The following NAALADL2 variants were observed in gnomAD, a reference collection of about 807,000 sequenced individuals.
The protein encoded by NAALADL2 is inactive N-acetylated-alpha-linked acidic dipeptidase-like protein 2.
In NAALADL2, 76 loss-of-function variants were observed where a neutral mutation model predicts 87.2. The ratio of observed to expected loss-of-function variants is 0.87; its 90% CI spans 0.72 to 1.05. The LOEUF is 1.05. Among genes scored for constraint, NAALADL2 ranks in the 50% least tolerant of loss-of-function variants. The pLI, the probability that NAALADL2 is intolerant of heterozygous loss-of-function variation, is 0.00. For synonymous variants in NAALADL2, 354 were observed against 331.0 expected (o/e 1.07, Z -0.75); for missense variants, 1,089 against 945.8 (o/e 1.15, Z -1.99).
intron 9 of NAALADL2, among the ~76,000 whole-genome samples, chr3:175,572,912 A>T: frequency 6.6e-6 from 1 of 152,084 alleles, no homozygotes; most frequent in East Asian, 1.9e-4. Flanking sequence ...AAAAAAAAAA[A>T]AATTGCAAGG....
At chr3:175,202,612 G>A (rs1740211775) in intron 2 of NAALADL2, among the ~76,000 whole-genome samples, 2 of 152,168 alleles carry the variant, frequency 1.3e-5, no homozygotes, top group African/African-American at 4.8e-5. Flanking sequence ...CCTGGAGGTG[G>A]TGCTTTCCAG....
intron 3 of NAALADL2, among the ~76,000 whole-genome samples, chr3:174,778,722 T>C (rs768682019): frequency 6.6e-6 from 1 of 152,120 alleles, no homozygotes; most frequent in Non-Finnish European, 1.5e-5. Flanking sequence ...AGTGAGAATA[T>C]GTAGTGTCTG....
intron 9 of NAALADL2, among the ~76,000 whole-genome samples, chr3:175,575,622 G>C (rs1039442837): frequency 1.3e-5 from 2 of 152,066 alleles, no homozygotes; most frequent in African/African-American, 2.4e-5. Flanking sequence ...AAGAAGAACA[G>C]AATTATACCC....
At chr3:174,489,825 G>C (rs946498010) in intron 1 of NAALADL2, among the ~76,000 whole-genome samples, 1 of 152,018 alleles carries the variant, frequency 6.6e-6, no homozygotes, top group African/African-American at 2.4e-5. Flanking sequence ...TGAAGTTGTA[G>C]AGAAATGGGA....
chr3:175,533,355 G>T (rs945270213), intron 9 of NAALADL2, among the ~76,000 whole-genome samples: 1 of 152,214 alleles, frequency 6.6e-6, no homozygotes, highest in African/African-American at 2.4e-5. Flanking sequence ...TCTAGTTATA[G>T]GTCTAGAAGC....
At chr3:175,300,072 T>C (rs111595141) in intron 4 of NAALADL2, among the ~76,000 whole-genome samples, 26,671 of 152,124 alleles carry the variant, frequency 0.18, 2,988 homozygotes, top group African/African-American at 0.32. Flanking sequence ...TGATTCTGTT[T>C]ATGTGATGGA....
At chr3:174,922,522 C>T (rs749655370) in intron 1 of NAALADL2, among the ~76,000 whole-genome samples, 40 of 152,074 alleles carry the variant, frequency 2.6e-4, no homozygotes, top group Admixed American at 8.5e-4. Flanking sequence ...AACCACAGCT[C>T]TAATTTGAAT....
rs370707870 is a variant in NAALADL2, at chr3:175,003,873, G to C, written c.44-92917G>C. Among the ~76,000 whole-genome samples the C allele has an allele frequency of 5.9e-5, 9 of 152,298 alleles. 1 individual carries two copies. The highest frequency in any genetic ancestry group is 2.2e-4 in the African/African-American group (9 of 41,574). On this transcript the variant is annotated intron_variant, in intron 1 of 13. Transcript: ENST00000454872. ...ACTAGAGCAGTGTGCATTCACAACA[G>C]AACAAGCCATCTGTCAGCTTATAAA...
In NAALADL2 at chr3:175,576,022, T is replaced by C. The variant is rs778870498; in HGVS notation, c.1654-19T>C. ...TGGGAAGCATAGTATGTGTTAACAA[T>C]TTAAATTATGTTTTTCAGAAAAATA... On this transcript the variant is annotated intron_variant, in intron 9 of 13. Coordinates refer to ENST00000454872, the MANE Select transcript of NAALADL2 (RefSeq NM_207015.3). The C allele has an allele frequency of 1.2e-4, 187 of 1,604,884 alleles. 1 individual carries two copies. The highest frequency in any genetic ancestry group is 1.1e-3 in the Admixed American group (66 of 58,562).
chr3:174,527,915 T>G (rs1489020752), intron 1 of NAALADL2, among the ~76,000 whole-genome samples: 1 of 152,092 alleles, frequency 6.6e-6, no homozygotes, highest in Non-Finnish European at 1.5e-5. Context: ...GGCTGGCAAA[T>G]TATGGTCCCC....
Position 175,778,967 on chromosome 3 carries a change from C to A in NAALADL2, c.2189+23549C>A, listed in dbSNP as rs188370733. On this transcript the variant is annotated intron_variant, in intron 13 of 13. Transcript: ENST00000454872. ...GTACCTGAGAGCCATCACACACACA[C>A]AAAAAAATGAAGACTCAAAGAAATG... Among the ~76,000 whole-genome samples, 1,292 of 151,928 alleles carry A rather than the reference C, an allele frequency of 8.5e-3. 7 individuals carry two copies. Among genetic ancestry groups the A allele is most frequent in the Non-Finnish European group, 0.01 (686 of 67,936 alleles).
intron 2 of NAALADL2, among the ~76,000 whole-genome samples, chr3:175,199,850 ATATATATATATATATTTTTTTTTTTT>A (rs1484733777): frequency 7.9e-4 from 14 of 17,786 alleles, no homozygotes; most frequent in Non-Finnish European, 1.2e-3. Context: ...ATATATATAT[ATATATATATATATATTTTTTTTTTTT>A]TTTTTTTTTT....
intron 12 of NAALADL2, among the ~76,000 whole-genome samples, chr3:175,746,517 A>G (rs9825021): frequency 0.031 from 4,673 of 152,204 alleles, 177 homozygotes; most frequent in African/African-American, 0.094. Flanking sequence ...CCAGTAGATA[A>G]TGAAGTACAC....
intron 13 of NAALADL2, among the ~76,000 whole-genome samples, chr3:175,785,301 G>C (rs1250812172): frequency 6.7e-6 from 1 of 149,984 alleles, no homozygotes; most frequent in African/African-American, 2.5e-5. Flanking sequence ...GTTGACAGTG[G>C]GGTGTTAAAG....
intron 3 of NAALADL2, among the ~76,000 whole-genome samples, chr3:174,827,369 T>C (rs66527972): frequency 0.25 from 37,717 of 152,112 alleles, 5,123 homozygotes; most frequent in African/African-American, 0.33. Context: ...GGACTGTGTT[T>C]CTTCCTGAAA....
intron 4 of NAALADL2, among the ~76,000 whole-genome samples, chr3:175,307,762 C>T (rs1757894029): frequency 6.6e-6 from 1 of 152,090 alleles, no homozygotes; most frequent in Admixed American, 6.5e-5. Flanking sequence ...AAAGTATGTA[C>T]TTAATTTGTA....
At chr3:174,870,717 A>G (rs1430918587) in intron 1 of NAALADL2, among the ~76,000 whole-genome samples, 2 of 152,298 alleles carry the variant, frequency 1.3e-5, no homozygotes, top group East Asian at 3.9e-4. Context: ...ACTTTAAAAG[A>G]GCTACTTTAA....
At chr3:175,124,037 C>T (rs1386843259) in intron 2 of NAALADL2, among the ~76,000 whole-genome samples, 2 of 151,874 alleles carry the variant, frequency 1.3e-5, no homozygotes, top group African/African-American at 4.8e-5. Flanking sequence ...AGATTGCAGA[C>T]CTCTGTGTTG....
At chr3:175,575,193 G>T (rs1225062088) in intron 9 of NAALADL2, among the ~76,000 whole-genome samples, 1 of 152,170 alleles carries the variant, frequency 6.6e-6, no homozygotes, top group South Asian at 2.1e-4. Flanking sequence ...CACTGTAGTT[G>T]TTGGCATATA....
Sources: gnomAD v4.1 joint callset for allele counts (sites outside exome capture counted in the v4.1 genomes callset) on GRCh38, gnomAD v4.1.1 for gene constraint, MANE v1.5 for transcripts, NCBI Gene and HGNC (gene_info 2026-07-23, HGNC 2026-07-21) for gene names.